AUTS2: variants seen among roughly 807,000 people sequenced by gnomAD.
The protein encoded by AUTS2 is activator of transcription and developmental regulator AUTS2, also known as autism susceptibility gene 2 protein.
In AUTS2, 17 loss-of-function variants were observed where a neutral mutation model predicts 112.4. The ratio of observed to expected loss-of-function variants is 0.15; its 90% confidence interval spans 0.10 to 0.23. The LOEUF (loss-of-function observed/expected upper bound fraction) is 0.23. AUTS2 is among the 10% of genes least tolerant of loss of function. The pLI, the probability that AUTS2 is intolerant of heterozygous loss-of-function variation, is 1.00. For synonymous variants in AUTS2, 751 were observed against 702.7 expected (o/e 1.07, Z -1.09); for missense variants, 1,510 against 1,701.6 (o/e 0.89, Z 1.98).
At chr7:69,953,818 AC>A (rs888482537) in intron 2 of AUTS2, among the ~76,000 whole-genome samples, 1 of 151,686 alleles carries the variant, frequency 6.6e-6, no homozygotes, top group South Asian at 2.1e-4. Context: ...TAATATTAGT[AC>A]CCCCCCAACT....
rs192253390 is a variant in AUTS2, at chr7:69,780,795, T to C, written c.310-118491T>C. 1.4e-4 allele frequency among the ~76,000 whole-genome samples: 22 copies of C among 152,346 alleles called. No homozygotes were observed. The East Asian group carries it at 4.1e-3, about 28-fold the overall frequency. ...TTAGTGGCTGTTATGATTTCCACTC[T>C]TACTTCATTGCTATTCCTGAGTCTT... On this transcript the variant is annotated intron_variant, in intron 1 of 18. Coordinates refer to ENST00000342771, the MANE Select transcript of AUTS2 (RefSeq NM_015570.4).
intron 1 of AUTS2, among the ~76,000 whole-genome samples, chr7:69,897,962 G>T (rs1187861551): frequency 6.6e-6 from 1 of 152,076 alleles, no homozygotes; most frequent in Non-Finnish European, 1.5e-5. Context: ...GGAGAAATGA[G>T]TAAAAGGAAA....
In AUTS2 at chr7:70,222,375, A is replaced by G. The variant is rs1419964061; in HGVS notation, c.660+87804A>G. ...TACAAGTTTTCTTATCAAGAAATGG[A>G]TAGAACATAGGAGTAGAGAAGTTCA... On this transcript the variant is annotated intron_variant, in intron 4 of 18. Coordinates refer to ENST00000342771, the MANE Select transcript of AUTS2 (RefSeq NM_015570.4). Among the ~76,000 whole-genome samples the G allele has an allele frequency of 1.3e-5, 2 of 152,254 alleles. 1 individual carries two copies. The highest frequency in any genetic ancestry group is 4.8e-5 in the African/African-American group (2 of 41,470).
chr7:70,245,147 T>TAG (rs1812845937), intron 4 of AUTS2, among the ~76,000 whole-genome samples: 1 of 17,108 alleles, frequency 5.8e-5, no homozygotes, highest in Non-Finnish European at 2.5e-4. Context: ...TGTGTGTGTA[T>TAG]ATATATATAT....
intron 2 of AUTS2, among the ~76,000 whole-genome samples, chr7:69,936,461 T>G (rs1796415513): frequency 6.6e-6 from 1 of 152,168 alleles, no homozygotes; most frequent in Admixed American, 6.5e-5. Context: ...GCCATTCTCC[T>G]GCCTCAGCCT....
intron 2 of AUTS2, among the ~76,000 whole-genome samples, chr7:70,044,240 A>G (rs1801400536): frequency 6.6e-6 from 1 of 152,180 alleles, no homozygotes; most frequent in Admixed American, 6.5e-5. Flanking sequence ...TGTAGAAGTA[A>G]GCATGAGACA....
chr7:69,844,971 A>G (rs1792131849), intron 1 of AUTS2, among the ~76,000 whole-genome samples: 1 of 152,208 alleles, frequency 6.6e-6, no homozygotes, highest in Non-Finnish European at 1.5e-5. Context: ...GGACATAAAT[A>G]AGATGCTTTC....
At chr7:69,833,300 G>T (rs1352021313) in intron 1 of AUTS2, among the ~76,000 whole-genome samples, 1 of 152,058 alleles carries the variant, frequency 6.6e-6, no homozygotes, top group Non-Finnish European at 1.5e-5. Flanking sequence ...ATGAAAATGA[G>T]CTCCCCAAAA....
At position 69,613,222 on chromosome 7, in the gene AUTS2, A is replaced by G. The variant is rs369274303; in HGVS notation, c.309+13260A>G. On this transcript the variant is annotated intron_variant, in intron 1 of 18. Coordinates refer to ENST00000342771, the MANE Select transcript of AUTS2 (RefSeq NM_015570.4). Reference sequence around the variant, plus strand: ...GATGCATTTTGTGAAAGATGGCCACATGGTCTCTAGTAGACCACATTTGTT... The same window carrying G: ...GATGCATTTTGTGAAAGATGGCCACGTGGTCTCTAGTAGACCACATTTGTT... 1.2e-3 allele frequency among the ~76,000 whole-genome samples: 182 copies of G among 152,308 alleles called. 1 individual carries two copies. In the East Asian group the frequency reaches 0.012, roughly 10 times the overall value.
chr7:69,731,931 C>T (rs944759444), intron 1 of AUTS2, among the ~76,000 whole-genome samples: 4 of 152,118 alleles, frequency 2.6e-5, no homozygotes, highest in African/African-American at 7.2e-5. Flanking sequence ...TAACAAGTTT[C>T]TTGTGAAGAT....
intron 1 of AUTS2, among the ~76,000 whole-genome samples, chr7:69,721,891 A>G (rs1156243952): frequency 1.3e-5 from 2 of 152,192 alleles, no homozygotes; most frequent in Admixed American, 6.5e-5. Flanking sequence ...GCACAGGTAC[A>G]TGGGAAAGCA....
chr7:69,634,355 C>T (rs983926336), intron 1 of AUTS2, among the ~76,000 whole-genome samples: 12 of 151,988 alleles, frequency 7.9e-5, no homozygotes, highest in Admixed American at 2.6e-4. Context: ...CTCCTGACCT[C>T]GTGATCCGCC....
At chr7:69,932,655 C>T (rs62458782) in intron 2 of AUTS2, among the ~76,000 whole-genome samples, 13,595 of 152,204 alleles carry the variant, frequency 0.089, 1,544 homozygotes, top group East Asian at 0.54. Flanking sequence ...AGTTTGGCCT[C>T]CAGTGTGAGT....
At chr7:70,551,379 G>A (rs1801008579) in intron 5 of AUTS2, among the ~76,000 whole-genome samples, 1 of 152,144 alleles carries the variant, frequency 6.6e-6, no homozygotes, top group Admixed American at 6.5e-5. Flanking sequence ...GACAATATCA[G>A]TAGTCACAAA....
At chr7:70,027,116 G>T (rs1023469248) in intron 2 of AUTS2, among the ~76,000 whole-genome samples, 4 of 152,024 alleles carry the variant, frequency 2.6e-5, no homozygotes, top group Non-Finnish European at 5.9e-5. Flanking sequence ...AGGTATGCTC[G>T]GCTAAGGTCA....
chr7:70,625,313 A>T (rs1302973644), intron 5 of AUTS2, among the ~76,000 whole-genome samples: 1 of 152,186 alleles, frequency 6.6e-6, no homozygotes, highest in Admixed American at 6.5e-5. Flanking sequence ...GAATGAATGA[A>T]TGAGTGTGTA....
At chr7:70,418,759 A>T (rs1272306579) in intron 4 of AUTS2, among the ~76,000 whole-genome samples, 1 of 152,212 alleles carries the variant, frequency 6.6e-6, no homozygotes, top group Non-Finnish European at 1.5e-5. Context: ...ATCGTTAAAG[A>T]TCAAAAACGA....
At chr7:70,736,492 G>A (rs1447807169) in intron 6 of AUTS2, among the ~76,000 whole-genome samples, 3 of 152,232 alleles carry the variant, frequency 2.0e-5, no homozygotes, top group Non-Finnish European at 4.4e-5. Context: ...GATCTGTGAT[G>A]TGGTTGGAGT....
intron 4 of AUTS2, among the ~76,000 whole-genome samples, chr7:70,362,241 G>A (rs1424502993): frequency 1.3e-5 from 2 of 152,146 alleles, no homozygotes; most frequent in African/African-American, 2.4e-5. Flanking sequence ...GAACCAGACC[G>A]GCATGGGGAG....
Sources: gnomAD v4.1 joint callset for allele counts (sites outside exome capture counted in the v4.1 genomes callset) on GRCh38, gnomAD v4.1.1 for gene constraint, MANE v1.5 for transcripts, NCBI Gene and HGNC (gene_info 2026-07-23, HGNC 2026-07-21) for gene names.